The following FAM24A variants were observed in gnomAD, a reference collection of about 807,000 sequenced individuals.
FAM24A encodes protein FAM24A.
A neutral mutation model predicts 2.8 loss-of-function variants in FAM24A; 2 were observed. That is an observed-to-expected ratio of 0.73 (90% CI 0.30 to 2.28). The LOEUF is 2.28. Ranked by LOEUF, FAM24A falls within the 30% of genes most tolerant of loss-of-function variation. The pLI is 0.12. For synonymous variants in FAM24A, 46 were observed against 47.5 expected, an observed-to-expected ratio of 0.97 and a Z score of 0.13; for missense variants, 109 against 132.0, an observed-to-expected ratio of 0.83 and a Z score of 0.85.
In FAM24A at chr10:122,910,750, C is replaced by G. The variant is rs763332831; in HGVS notation, c.-72C>G. On this transcript the variant is annotated 5_prime_UTR_variant, in exon 1 of 3. Transcript: ENST00000368894. ...TGAGAAGTTCCAAATATCCGATGCC[C>G]TAGAGGTTTTTTTCCCTTAATTTTA... is the stretch of plus-strand genomic sequence containing the variant. The G allele has an allele frequency of 6.6e-6, 1 of 152,116 alleles. No homozygotes were observed. The highest frequency in any genetic ancestry group is 2.4e-5 in the African/African-American group (1 of 41,408). 9.4% of individuals were successfully genotyped at this position (152,116 alleles called of 1,614,324 possible). A position where few individuals can be genotyped will look rare whatever the true frequency, so the allele number is the denominator to read the frequency against.
In FAM24A at chr10:122,911,629, T is replaced by C. The variant is rs768488685; in HGVS notation, c.-2-4T>C. The C allele has an allele frequency of 7.4e-6, 12 of 1,613,292 alleles. No homozygotes were observed. The East Asian group carries it at 2.7e-4, about 36-fold the overall frequency. ...CGTTCTGCTTCCCTGCACTTTCTCCTTAGGCATGGCAAAGATGTTTGATCT... is the reference window on the plus strand; with the variant it reads ...CGTTCTGCTTCCCTGCACTTTCTCCCTAGGCATGGCAAAGATGTTTGATCT... On this transcript the variant is annotated splice_region_variant and splice_polypyrimidine_tract_variant and intron_variant, in intron 1 of 2. Coordinates refer to ENST00000368894, the MANE Select transcript of FAM24A (RefSeq NM_001029888.3).
intron 1 of FAM24A, among the ~76,000 whole-genome samples, 159 bp downstream of exon 1, chr10:122,910,978 G>A (rs554466295): frequency 1.2e-4 from 18 of 152,262 alleles, no homozygotes; most frequent in Middle Eastern, 3.4e-3. Context: ...TAGGCCTATG[G>A]TCTACTAGGA....
At chr10:122,912,434 T>C (rs551976139) in intron 2 of FAM24A, among the ~76,000 whole-genome samples, 1 of 151,814 alleles carries the variant, frequency 6.6e-6, no homozygotes, top group Admixed American at 6.6e-5. Flanking sequence ...TTCTAAGGGG[T>C]TCACAGAGAC....
intron 2 of FAM24A, 112 bp downstream of exon 2, chr10:122,911,871 A>C: frequency 1.5e-6 from 2 of 1,354,954 alleles, no homozygotes; most frequent in Non-Finnish European, 2.0e-6. Context: ...GTGAGTGAGG[A>C]CAAGAACAAG....
intron 1 of FAM24A, among the ~76,000 whole-genome samples, chr10:122,911,215 A>G (rs1053282483): frequency 2.0e-5 from 3 of 152,210 alleles, no homozygotes; most frequent in African/African-American, 4.8e-5. Flanking sequence ...AATACTTTTT[A>G]AACTAATTCT....
At chr10:122,911,481 C>T (rs1338220838) in intron 1 of FAM24A, among the ~76,000 whole-genome samples, 152 bp from the exon 2 acceptor site, 4 of 152,044 alleles carry the variant, frequency 2.6e-5, no homozygotes, top group East Asian at 3.9e-4. Context: ...TTTGTCTGCC[C>T]CTGGACCAGC....
At chr10:122,911,608 C>A (rs1367613677) in intron 1 of FAM24A, 25 bp from the exon 2 acceptor site, 1 of 1,611,256 alleles carries the variant, frequency 6.2e-7, no homozygotes, top group South Asian at 1.1e-5. Flanking sequence ...AGGCCACGTT[C>A]TGCTTCCCTG....
In FAM24A at chr10:122,911,666, T is replaced by A; in HGVS notation, c.32T>A (p.Ile11Asn). 3.1e-6 allele frequency: 5 copies of A among 1,614,114 alleles called. No homozygotes were observed. The highest frequency in any genetic ancestry group is 4.2e-6 in the Non-Finnish European group (5 of 1,180,022). ...AAGATGTTTGATCTCAGGACGAAGA[T>A]CATGATCGGCATCGGAAGCAGCTTA... MAKMFDLRTK[I>N]MIGIGSSLLV... Residue 11 changes from isoleucine to asparagine, a missense_variant, in exon 2 of 3, where the codon ATC becomes AAC. Physicochemically the swap from Ile to Asn is moderately radical, Grantham distance 149. Coordinates refer to ENST00000368894, the MANE Select transcript of FAM24A (RefSeq NM_001029888.3).
At chr10:122,911,414 G>T (rs1439572200) in intron 1 of FAM24A, among the ~76,000 whole-genome samples, 2 of 152,082 alleles carry the variant, frequency 1.3e-5, no homozygotes, top group African/African-American at 2.4e-5. Flanking sequence ...CTGTCATTAT[G>T]ATTTCCTTCC....
chr10:122,911,206 A>G (rs1403505446), intron 1 of FAM24A, among the ~76,000 whole-genome samples: 1 of 152,230 alleles, frequency 6.6e-6, no homozygotes, highest in Admixed American at 6.5e-5. Context: ...TTGTTGGACA[A>G]TACTTTTTAA....
At chr10:122,911,486 A>G in intron 1 of FAM24A, 147 bp from the exon 2 acceptor site, 1 of 1,166,676 alleles carries the variant, frequency 8.6e-7, no homozygotes, top group Non-Finnish European at 1.2e-6. Flanking sequence ...CTGCCCCTGG[A>G]CCAGCTTAGG....
chr10:122,912,958 G>T lies in FAM24A; in HGVS notation c.*4G>T. The T allele has an allele frequency of 6.3e-7, 1 of 1,584,034 alleles. No individual in the cohort carries two copies. Among genetic ancestry groups the T allele is most frequent in the African/African-American group, 1.4e-5 (1 of 73,424 alleles). On this transcript the variant is annotated 3_prime_UTR_variant, in exon 3 of 3. Coordinates refer to ENST00000368894, the MANE Select transcript of FAM24A (RefSeq NM_001029888.3). ...TGACATAAATGAGGGCCTCTGACTT[G>T]GGAAAGCTGGGCACAAAAATCTTCA... is the stretch of plus-strand genomic sequence containing the variant.
Position 122,911,762 on chromosome 10 carries a change from G to T in FAM24A, c.125+3G>T. 1 of 1,614,022 alleles carries T rather than the reference G, an allele frequency of 6.2e-7. No homozygotes were observed. The highest frequency in any genetic ancestry group is 1.1e-5 in the South Asian group (1 of 91,044). On this transcript the variant is annotated splice_donor_region_variant and intron_variant, in intron 2 of 2. Transcript: ENST00000368894. ...TTCAAAGTAGCTAAGGCACTAAAGTGAGTCATGTGGGGGAAAATGAATTAC... is the reference window on the plus strand; with the variant it reads ...TTCAAAGTAGCTAAGGCACTAAAGTTAGTCATGTGGGGGAAAATGAATTAC...
rs756778685 is a variant in FAM24A, at chr10:122,912,851, C to T, written c.215C>T (p.Thr72Ile). ...WATNSQAKAT[T>I]MESCPSLQCC... ...ACGAACAGCCAGGCCAAAGCCACCA[C>T]CATGGAGTCTTGTCCATCTCTCCAG... Residue 72 changes from threonine to isoleucine, a missense_variant, in exon 3 of 3, where the codon ACC becomes ATC. By Grantham distance (89) the Thr-to-Ile change is moderately conservative. Coordinates refer to ENST00000368894, the MANE Select transcript of FAM24A (RefSeq NM_001029888.3). 1 of 1,614,072 alleles carries T rather than the reference C, an allele frequency of 6.2e-7. No homozygotes were observed. Among genetic ancestry groups the T allele is most frequent in the African/African-American group, 1.3e-5 (1 of 74,934 alleles).
chr10:122,911,397 C>G (rs1162264579), intron 1 of FAM24A, among the ~76,000 whole-genome samples: 1 of 152,086 alleles, frequency 6.6e-6, no homozygotes, highest in African/African-American at 2.4e-5. Context: ...AAGATTCTTC[C>G]CACTGTCTGT....
intron 2 of FAM24A, 87 bp from the exon 3 acceptor site, chr10:122,912,675 C>T (rs1444824739): frequency 1.5e-6 from 2 of 1,357,344 alleles, no homozygotes; most frequent in East Asian, 2.3e-5. Flanking sequence ...GGCTTCAGCA[C>T]TAAACTTCCC....
chr10:122,911,716 A>G lies in FAM24A; in HGVS notation c.82A>G (p.Ser28Gly), dbSNP rs1564714732. ...ACTGGTTGCCGCGATGGTGCTCCTA[A>G]GTGTTGTGTTCTGTCTTTACTTCAA... is the stretch of plus-strand genomic sequence containing the variant. The part of the protein sequence containing the change: ...SLLVAAMVLL[S>G]VVFCLYFKVA... The change falls in exon 2 of 3, where the codon AGT becomes GGT. Residue 28 changes from serine (S) to glycine (G), a missense_variant. Physicochemically the swap from Ser to Gly is moderately conservative, Grantham distance 56. Coordinates refer to ENST00000368894, the MANE Select transcript of FAM24A (RefSeq NM_001029888.3). The G allele has an allele frequency of 1.2e-6, 2 of 1,614,096 alleles. No homozygotes were observed. The highest frequency in any genetic ancestry group is 4.5e-5 in the East Asian group (2 of 44,866).
chr10:122,911,334 T>C (rs1245580585), intron 1 of FAM24A, among the ~76,000 whole-genome samples: 1 of 152,130 alleles, frequency 6.6e-6, no homozygotes, highest in Non-Finnish European at 1.5e-5. Context: ...AGTCATCAGC[T>C]CCAAGGCAGG....
chr10:122,912,302 CAT>C (rs143374949), intron 2 of FAM24A, among the ~76,000 whole-genome samples: 2,166 of 152,264 alleles, frequency 0.014, 30 homozygotes, highest in East Asian at 0.068. Flanking sequence ...GGACAGCTGA[CAT>C]GTGTGAATAT....
Sources: gnomAD v4.1 joint callset for allele counts (sites outside exome capture counted in the v4.1 genomes callset) on GRCh38, gnomAD v4.1.1 for gene constraint, MANE v1.5 for transcripts, NCBI Gene and HGNC (gene_info 2026-07-23, HGNC 2026-07-21) for gene names.